The following UBAC2 variants were observed in gnomAD, a reference collection of about 807,000 sequenced individuals.
The protein encoded by UBAC2 is UBA domain containing 2.
In UBAC2, 26 loss-of-function variants were observed where a neutral mutation model predicts 44.0. The ratio of observed to expected loss-of-function variants is 0.59; its 90% CI spans 0.43 to 0.82. UBAC2 has a LOEUF of 0.82. Among genes scored for constraint, UBAC2 ranks in the 40% least tolerant of loss-of-function variants. The pLI, the probability that UBAC2 is intolerant of heterozygous loss-of-function variation, is 0.00. For synonymous variants in UBAC2, 155 were observed against 154.3 expected (o/e 1.00, Z -0.04); for missense variants, 329 against 419.4 (o/e 0.78, Z 1.88).
At chr13:99,212,126 T>C (rs1485118908) in intron 1 of UBAC2, among the ~76,000 whole-genome samples, 2 of 152,238 alleles carry the variant, frequency 1.3e-5, no homozygotes, top group Non-Finnish European at 2.9e-5. Context: ...ACTTTTTCCG[T>C]TCTCAACCTG....
intron 2 of UBAC2, among the ~76,000 whole-genome samples, chr13:99,239,741 C>G (rs1056263992): frequency 6.6e-6 from 1 of 152,208 alleles, no homozygotes; most frequent in Non-Finnish European, 1.5e-5. Context: ...CAGATTAACA[C>G]TTAAAACACC....
intron 4 of UBAC2, among the ~76,000 whole-genome samples, chr13:99,287,639 C>CT (rs1566486107): frequency 1.7e-5 from 2 of 114,508 alleles, no homozygotes; most frequent in African/African-American, 2.9e-5. Flanking sequence ...TTTTTTTTTT[C>CT]TTTCTTTTTT....
chr13:99,359,651 T>C (rs954698832), intron 7 of UBAC2, among the ~76,000 whole-genome samples: 1 of 152,234 alleles, frequency 6.6e-6, no homozygotes, highest in Non-Finnish European at 1.5e-5. Flanking sequence ...GGGCCAGCTG[T>C]AAACAGTTTT....
At chr13:99,366,576 G>C (rs2045333810) in intron 7 of UBAC2, among the ~76,000 whole-genome samples, 1 of 152,022 alleles carries the variant, frequency 6.6e-6, no homozygotes, top group South Asian at 2.1e-4. Context: ...TTAATTCTCA[G>C]GCAGGACCAA....
At chr13:99,378,889 C>T (rs2045516382) in intron 8 of UBAC2, among the ~76,000 whole-genome samples, 1 of 152,210 alleles carries the variant, frequency 6.6e-6, no homozygotes, top group South Asian at 2.1e-4. Context: ...AATACCTTGG[C>T]CACATGGCTG....
intron 6 of UBAC2, among the ~76,000 whole-genome samples, chr13:99,325,230 G>A (rs2044623648): frequency 6.6e-6 from 1 of 150,498 alleles, no homozygotes; most frequent in African/African-American, 2.4e-5. Flanking sequence ...AGCCTCCCAA[G>A]TAGCTGGGAC....
rs576965712 is a variant in UBAC2, at chr13:99,383,756, A to C, written c.928-1472A>C. Among the ~76,000 whole-genome samples the C allele has an allele frequency of 2.0e-4, 31 of 152,318 alleles. No homozygotes were observed. The Middle Eastern group carries it at 0.014, about 67-fold the overall frequency. On this transcript the variant is annotated intron_variant, in intron 8 of 8. Coordinates refer to ENST00000403766, the MANE Select transcript of UBAC2 (RefSeq NM_001144072.2). Reference sequence around the variant, plus strand: ...GACATGGGCGGCACCCCCCGTTTGGAAAAGCCCTGGCTGGACTCCAGCTTC... The same window carrying C: ...GACATGGGCGGCACCCCCCGTTTGGCAAAGCCCTGGCTGGACTCCAGCTTC...
At chr13:99,211,675 G>A (rs907222916) in intron 1 of UBAC2, among the ~76,000 whole-genome samples, 1 of 152,224 alleles carries the variant, frequency 6.6e-6, no homozygotes, top group African/African-American at 2.4e-5. Context: ...CTGCTGAGGA[G>A]CAGGTCTAGG....
chr13:99,237,148 G>C, intron 1 of UBAC2, among the ~76,000 whole-genome samples: 1 of 152,004 alleles, frequency 6.6e-6, no homozygotes, highest in East Asian at 1.9e-4. Context: ...GAGCCATCAG[G>C]CCCGGCCTTC....
At chr13:99,273,243 G>C (rs1269625927) in intron 4 of UBAC2, among the ~76,000 whole-genome samples, 2 of 152,050 alleles carry the variant, frequency 1.3e-5, no homozygotes, top group African/African-American at 4.8e-5. Context: ...TGTTGCGACT[G>C]TGTTCTAAGG....
At chr13:99,333,219 G>A (rs1188595650) in intron 6 of UBAC2, among the ~76,000 whole-genome samples, 2 of 152,254 alleles carry the variant, frequency 1.3e-5, no homozygotes, top group Non-Finnish European at 2.9e-5. Context: ...GAAATCTAAT[G>A]TAATTATTTT....
chr13:99,247,380 A>C (rs2043399433), intron 4 of UBAC2, among the ~76,000 whole-genome samples: 1 of 150,948 alleles, frequency 6.6e-6, no homozygotes, highest in African/African-American at 2.4e-5. Flanking sequence ...ACGCCCGGCT[A>C]ATTTTTTGTA....
chr13:99,349,979 G>A lies in UBAC2; in HGVS notation c.807+9414G>A, dbSNP rs548236250. On this transcript the variant is annotated intron_variant, in intron 7 of 8. Coordinates refer to ENST00000403766, the MANE Select transcript of UBAC2 (RefSeq NM_001144072.2). ...TGTCTTCGCAGACACTGGCATTACC[G>A]CTTGACCAAGGAGCCCTCATGCCGG... 5.9e-5 allele frequency among the ~76,000 whole-genome samples: 9 copies of A among 152,236 alleles called. No individual in the cohort carries two copies. The South Asian group carries it at 1.2e-3, about 21-fold the overall frequency.
chr13:99,374,983 G>C (rs2045461154), intron 8 of UBAC2, among the ~76,000 whole-genome samples: 1 of 152,162 alleles, frequency 6.6e-6, no homozygotes, highest in African/African-American at 2.4e-5. Flanking sequence ...TATTATGCCA[G>C]GTTTTTCCAT....
intron 1 of UBAC2, among the ~76,000 whole-genome samples, chr13:99,221,844 A>G (rs999200128): frequency 5.3e-5 from 8 of 151,930 alleles, no homozygotes; most frequent in Non-Finnish European, 8.8e-5. Context: ...GTCCTTCACT[A>G]CTGCTCCCTG....
At chr13:99,320,769 G>A (rs2044557378) in intron 6 of UBAC2, among the ~76,000 whole-genome samples, 1 of 152,104 alleles carries the variant, frequency 6.6e-6, no homozygotes, top group Admixed American at 6.6e-5. Context: ...GATTGTAAAA[G>A]ACAATATCAG....
At chr13:99,351,501 C>T (rs910132096) in intron 7 of UBAC2, 1 of 455,894 alleles carries the variant, frequency 2.2e-6, no homozygotes, top group African/African-American at 2.0e-5. Flanking sequence ...TTTGCCAGTC[C>T]CTGCTGTAGA....
chr13:99,312,361 AAC>A (rs1486317052), intron 4 of UBAC2, among the ~76,000 whole-genome samples: 3 of 152,208 alleles, frequency 2.0e-5, no homozygotes, highest in Non-Finnish European at 2.9e-5. Flanking sequence ...GGGAAAATAA[AAC>A]ACAGACTGAG....
At chr13:99,243,446 T>C (rs2043344648) in intron 2 of UBAC2, among the ~76,000 whole-genome samples, 1 of 152,156 alleles carries the variant, frequency 6.6e-6, no homozygotes, top group Admixed American at 6.5e-5. Flanking sequence ...CCTAAGTTGT[T>C]TTTCAGTTAC....
Sources: gnomAD v4.1 joint callset for allele counts (sites outside exome capture counted in the v4.1 genomes callset) on GRCh38, gnomAD v4.1.1 for gene constraint, MANE v1.5 for transcripts, NCBI Gene and HGNC (gene_info 2026-07-23, HGNC 2026-07-21) for gene names.